The following STX11 variants were observed in gnomAD, a reference collection of about 807,000 sequenced individuals.
STX11 encodes the protein syntaxin 11.
STX11 carries 21 observed loss-of-function variants against 19.9 expected under a neutral mutation model. That is an observed-to-expected ratio of 1.06 (90% CI 0.75 to 1.52). STX11 has a LOEUF of 1.52. Ranked by LOEUF, STX11 falls within the 40% of genes most tolerant of loss-of-function variation. STX11 has a pLI of 0.00. For missense variants in STX11, 438 were observed against 405.9 expected (o/e 1.08, Z -0.68); for synonymous variants, 193 against 174.4 (o/e 1.11, Z -0.84).
chr6:144,187,348 A>G lies in STX11; in HGVS notation c.721A>G (p.Thr241Ala), dbSNP rs768571325. The change falls in exon 2 of 2, where the codon ACC becomes GCC. Residue 241 changes from threonine (T) to alanine (A), a missense_variant. By Grantham distance (58) the Thr-to-Ala change is moderately conservative (BLOSUM62 0). Transcript: ENST00000367568. This position sits in a 1 kb window ranked among gnomAD's most constrained non-coding sequence, Gnocchi z 5.6. ...MAVLVEKQAD[T>A]LNVIELNVQK... Reference sequence around the variant, plus strand: ...GGTGCTGGTGGAGAAGCAGGCCGACACCCTGAACGTCATCGAGCTCAACGT... The same window carrying G: ...GGTGCTGGTGGAGAAGCAGGCCGACGCCCTGAACGTCATCGAGCTCAACGT... 6.2e-7 allele frequency: 1 copy of G among 1,610,462 alleles called. No homozygotes were observed. The highest frequency in any genetic ancestry group is 8.5e-7 in the Non-Finnish European group (1 of 1,179,958).
rs959752203 is a variant in STX11, at chr6:144,187,393, A to G, written c.766A>G (p.Thr256Ala). The stretch of plus-strand genomic sequence containing the variant: ...CAACGTACAAAAGACGGTCGACTAC[A>G]CCGGCCAGGCCAAGGCGCAGGTGCG... ...ELNVQKTVDY[T>A]GQAKAQVRKA... The change falls in exon 2 of 2, where the codon ACC (threonine) becomes GCC (alanine). Residue 256 changes from threonine (T) to alanine (A), a missense_variant. By Grantham distance (58) the Thr-to-Ala change is moderately conservative. Coordinates refer to ENST00000367568, the MANE Select transcript of STX11 (RefSeq NM_003764.4). The surrounding 1 kb of genome is among the most constrained non-coding windows in gnomAD (Gnocchi z 5.6). The G allele has an allele frequency of 6.2e-7, 1 of 1,611,064 alleles. No homozygotes were observed. The highest frequency in any genetic ancestry group is 8.5e-7 in the Non-Finnish European group (1 of 1,179,976).
In STX11 at chr6:144,180,194, T is replaced by G. The variant is rs960245; in HGVS notation, c.-5-6429T>G. Among the ~76,000 whole-genome samples, 4,757 of 152,316 alleles carry G rather than the reference T, an allele frequency of 0.031. 230 individuals carry two copies. The highest frequency in any genetic ancestry group is 0.1 in the African/African-American group (4,250 of 41,538). ...TTTGTTTCCTGGTTTTGGCAAAATT[T>G]GCTTAATGCATATATTAGTCTTTTG... On this transcript the variant is annotated intron_variant, in intron 1 of 1. Coordinates refer to ENST00000367568, the MANE Select transcript of STX11 (RefSeq NM_003764.4). The surrounding 1 kb of genome is among the most constrained non-coding windows in gnomAD (Gnocchi z 5.3).
At chr6:144,142,909 A>G in the STX11 span, among the ~76,000 whole-genome samples, 1 of 152,240 alleles carries the variant, frequency 6.6e-6, no homozygotes. Flanking sequence ...GGAACTTGAA[A>G]TGTTTCCAAC....
chr6:144,164,853 C>T (rs1801437638), intron 1 of STX11, among the ~76,000 whole-genome samples: 1 of 149,710 alleles, frequency 6.7e-6, no homozygotes, highest in Non-Finnish European at 1.5e-5. Context: ...GCCACTATGC[C>T]TGGGTAATTT....
chr6:144,140,225 TATATATATATATATATATATATATATA>T, the STX11 span, among the ~76,000 whole-genome samples: 1 of 37,966 alleles, frequency 2.6e-5, no homozygotes, highest in African/African-American at 2.0e-4. Context: ...TATATATATA[TATATATATATATATATATATATATATA>T]TATTTATTTA....
Position 144,187,197 on chromosome 6 carries a change from C to T in STX11, c.570C>T (p.Ser190=), listed in dbSNP as rs148354227. ...MFEQGKWDVF[S]ENLLADVKGA... The stretch of plus-strand genomic sequence containing the variant: ...AGCAGGGTAAGTGGGACGTGTTTTC[C>T]GAGAACTTGCTGGCCGACGTGAAGG... Residue 190 remains serine (S), a synonymous_variant, in exon 2 of 2, where the codon TCC becomes TCT. Coordinates refer to ENST00000367568, the MANE Select transcript of STX11 (RefSeq NM_003764.4). The surrounding 1 kb of genome is among the most constrained non-coding windows in gnomAD (Gnocchi z 5.6). 5.1e-5 allele frequency: 82 copies of T among 1,613,982 alleles called. No homozygotes were observed. The East Asian group carries it at 1.7e-3, about 33-fold the overall frequency.
rs537521278 is a variant in STX11 at position 144,170,963 on chromosome 6, T to C, written c.-5-15660T>C. On this transcript the variant is annotated intron_variant, in intron 1 of 1. Coordinates refer to ENST00000367568, the MANE Select transcript of STX11 (RefSeq NM_003764.4). The surrounding 1 kb of genome is among the most constrained non-coding windows in gnomAD (Gnocchi z 4.7). ...TACTATCCTATGAGGTAATTATTTA[T>C]ACATGGAGAAGACCAGGTATAGAGA... is the stretch of plus-strand genomic sequence containing the variant. Among the ~76,000 whole-genome samples, 14 of 152,318 alleles carry C rather than the reference T, an allele frequency of 9.2e-5. No individual in the cohort carries two copies. In the South Asian group the frequency reaches 1.9e-3, roughly 20 times the overall value.
Position 144,155,632 on chromosome 6 carries a change from C to G in STX11, c.-6+4929C>G, listed in dbSNP as rs1801116301. Among the ~76,000 whole-genome samples the G allele has an allele frequency of 6.6e-6, 1 of 152,142 alleles. No individual in the cohort carries two copies. The highest frequency in any genetic ancestry group is 2.1e-4 in the South Asian group (1 of 4,830). On this transcript the variant is annotated intron_variant, in intron 1 of 1. Transcript: ENST00000367568. The surrounding 1 kb of genome is among the most constrained non-coding windows in gnomAD (Gnocchi z 4.5). ...TTCATATCGGTTTGTCTTGGCTGTT[C>G]AATTCAACTGTGGTTTCCCTGAGAG...
In STX11 at chr6:144,191,196, C is replaced by T. The variant is rs539160664; in HGVS notation, c.*3705C>T. On this transcript the variant is annotated 3_prime_UTR_variant, in exon 2 of 2. Coordinates refer to ENST00000367568, the MANE Select transcript of STX11 (RefSeq NM_003764.4). ...GCCAAATATCAAATTTTACAACTAC[C>T]ACCAAGCCACAGATTATAGGTGGTA... is the stretch of plus-strand genomic sequence containing the variant. 6.7e-6 allele frequency among the ~76,000 whole-genome samples: 1 copy of T among 149,394 alleles called. No homozygotes were observed. Among genetic ancestry groups the T allele is most frequent in the Non-Finnish European group, 1.5e-5 (1 of 67,592 alleles).
In STX11 at chr6:144,151,284, G is replaced by A. The variant is rs977452740; in HGVS notation, c.-6+581G>A. On this transcript the variant is annotated intron_variant, in intron 1 of 1. Coordinates refer to ENST00000367568, the MANE Select transcript of STX11 (RefSeq NM_003764.4). This position sits in a 1 kb window ranked among gnomAD's most constrained non-coding sequence, Gnocchi z 4.6. The stretch of plus-strand genomic sequence containing the variant: ...ATGCCTGCGAGAGCCACGCCGTCCT[G>A]AGAGGGAATTCTGCCTTTTTCTAGA... 45 of 985,422 alleles carry A rather than the reference G, an allele frequency of 4.6e-5. No homozygotes were observed. In the African/African-American group the frequency reaches 7.5e-4, roughly 16 times the overall value. The allele number at this position is 985,422 out of a possible 1,614,324, so 61.0% of individuals were successfully genotyped here.
chr6:144,156,004 TTC>T (rs1801142395), intron 1 of STX11, among the ~76,000 whole-genome samples: 1 of 101,606 alleles, frequency 9.8e-6, no homozygotes, highest in African/African-American at 5.0e-5. Context: ...CTTTCTTTCT[TTC>T]TTTCTTTCTC....
At chr6:144,185,545 A>G (rs1040522876) in intron 1 of STX11, among the ~76,000 whole-genome samples, 2 of 152,236 alleles carry the variant, frequency 1.3e-5, no homozygotes, top group Non-Finnish European at 2.9e-5. Context: ...AAGCAGAGGA[A>G]TTACCAGAAC....
rs150644837 is a variant in STX11 at position 144,189,237 on chromosome 6, G to T, written c.*1746G>T. Among the ~76,000 whole-genome samples the T allele has an allele frequency of 3.9e-5, 6 of 152,100 alleles. No individual in the cohort carries two copies. Among genetic ancestry groups the T allele is most frequent in the Non-Finnish European group, 7.4e-5 (5 of 68,022 alleles). ...AGGGTTTGCCATGTGGCCCAGGCTG[G>T]TCTCAAACTTGTGAGCTTGAGCAAT... is the stretch of plus-strand genomic sequence containing the variant. On this transcript the variant is annotated 3_prime_UTR_variant, in exon 2 of 2. Coordinates refer to ENST00000367568, the MANE Select transcript of STX11 (RefSeq NM_003764.4).
rs1254322985 is a variant in STX11 at position 144,167,597 on chromosome 6, A to C, written c.-6+16894A>C. 6.6e-6 allele frequency among the ~76,000 whole-genome samples: 1 copy of C among 152,020 alleles called. No homozygotes were observed. Among genetic ancestry groups the C allele is most frequent in the African/African-American group, 2.4e-5 (1 of 41,404 alleles). Reference sequence around the variant, plus strand: ...ATTTACATGCTGCTGATAAGCAATCACTTCTCCTTTTTTTCATTTCTTTTT... The same window carrying C: ...ATTTACATGCTGCTGATAAGCAATCCCTTCTCCTTTTTTTCATTTCTTTTT... On this transcript the variant is annotated intron_variant, in intron 1 of 1. Coordinates refer to ENST00000367568, the MANE Select transcript of STX11 (RefSeq NM_003764.4). This position sits in a 1 kb window ranked among gnomAD's most constrained non-coding sequence, Gnocchi z 5.0.
At chr6:144,178,479 A>G (rs1322057743) in intron 1 of STX11, among the ~76,000 whole-genome samples, 1 of 152,212 alleles carries the variant, frequency 6.6e-6, no homozygotes, top group African/African-American at 2.4e-5. Context: ...AATCCCAGCT[A>G]CCCACTGGCT....
rs886061152 is a variant in STX11 at position 144,189,645 on chromosome 6, AAGG to A, written c.*2160_*2162del. On this transcript the variant is annotated 3_prime_UTR_variant, in exon 2 of 2. Transcript: ENST00000367568. ...GAAGCTGGAATTTTAAAAGAATTAG[AAGG>A]AGGAGTATGTGAATTCTTTGGAGCT... Among the ~76,000 whole-genome samples, 2 of 152,312 alleles carry A rather than the reference AAGG, an allele frequency of 1.3e-5. No homozygotes were observed. The highest frequency in any genetic ancestry group is 2.1e-4 in the South Asian group (1 of 4,824).
Position 144,189,519 on chromosome 6 carries a change from C to T in STX11, c.*2028C>T, listed in dbSNP as rs1055224692. ...TTCTTAATGCCCTTACCCACATTTA[C>T]CATGTTTCCTGGCCTTCCTCTGTGT... is the stretch of plus-strand genomic sequence containing the variant. On this transcript the variant is annotated 3_prime_UTR_variant, in exon 2 of 2. Transcript: ENST00000367568. Among the ~76,000 whole-genome samples the T allele has an allele frequency of 6.6e-6, 1 of 152,216 alleles. No individual in the cohort carries two copies. Among genetic ancestry groups the T allele is most frequent in the Non-Finnish European group, 1.5e-5 (1 of 68,040 alleles).
intron 1 of STX11, among the ~76,000 whole-genome samples, chr6:144,161,535 T>A (rs1426409761): frequency 2.0e-5 from 3 of 152,072 alleles, no homozygotes; most frequent in African/African-American, 7.2e-5. Flanking sequence ...GTCCAGCTAA[T>A]TTTTGTATTT....
At chr6:144,146,717 C>T (rs534379215), upstream of STX11, among the ~76,000 whole-genome samples, 42 of 152,248 alleles carry the variant, frequency 2.8e-4, no homozygotes, top group African/African-American at 7.7e-4. This position sits in a 1 kb window ranked among gnomAD's most constrained non-coding sequence, Gnocchi z 4.4. Flanking sequence ...CCACCGCACC[C>T]GGCTAATTCT....
Sources: gnomAD v4.1 joint callset for allele counts (sites outside exome capture counted in the v4.1 genomes callset) on GRCh38, gnomAD v4.1.1 for gene constraint, Gnocchi (gnomAD v3.1) non-coding constraint, MANE v1.5 for transcripts, NCBI Gene and HGNC (gene_info 2026-07-23, HGNC 2026-07-21) for gene names.